Variants in DCHS2 observed in about 807,000 individuals in gnomAD.
DCHS2 encodes dachsous cadherin-related 2.
In DCHS2, 142 loss-of-function variants were observed where a neutral mutation model predicts 182.4. That is an observed-to-expected ratio of 0.78 (90% CI 0.68 to 0.89). The LOEUF (loss-of-function observed/expected upper bound fraction) is 0.89, where lower values mean the gene tolerates loss of function less well. Ranked by LOEUF, DCHS2 falls within the 40% of genes least tolerant of loss-of-function variation. DCHS2 has a pLI of 0.00. For synonymous variants in DCHS2, 1,740 were observed against 1,663.3 expected (o/e 1.05, Z -1.12); for missense variants, 4,319 against 4,198.6 (o/e 1.03, Z -0.79).
chr4:154,395,241 A>G (rs565337750), intron 1 of DCHS2, among the ~76,000 whole-genome samples: 22 of 152,218 alleles, frequency 1.4e-4, no homozygotes, highest in African/African-American at 5.1e-4. Flanking sequence ...ACATTCATAA[A>G]CCGTTTATTT....
chr4:154,490,455 A>C lies in DCHS2; in HGVS notation c.901T>G (p.Tyr301Asp). 6.5e-7 allele frequency: 1 copy of C among 1,536,470 alleles called. No homozygotes were observed. Among genetic ancestry groups the C allele is most frequent in the Non-Finnish European group, 8.7e-7 (1 of 1,146,370 alleles). ...GCGTCCTCGCGCACCGCGGCGCGGT[A>C]CTCGTCCTGCTCAAAGACCGGCGGG... ...DNPPVFEQDE[Y>D]RAAVREDAQP... The change falls in exon 1 of 20, where the codon TAC (tyrosine) becomes GAC (aspartate). Residue 301 changes from tyrosine (Y) to aspartate (D), a missense_variant. Coordinates refer to ENST00000357232, the MANE Select transcript of DCHS2 (RefSeq NM_001358235.2).
chr4:154,379,685 T>C (rs577117103), intron 1 of DCHS2, among the ~76,000 whole-genome samples: 3 of 152,326 alleles, frequency 2.0e-5, no homozygotes, highest in African/African-American at 7.2e-5. Flanking sequence ...CATTTAACTC[T>C]GGACTGAAAA....
At chr4:154,254,972 T>C (rs1732578642) in intron 16 of DCHS2, among the ~76,000 whole-genome samples, 1 of 152,238 alleles carries the variant, frequency 6.6e-6, no homozygotes, top group Admixed American at 6.5e-5. Flanking sequence ...ATTTCCTTTG[T>C]TGAATTCTGT....
intron 5 of DCHS2, chr4:154,331,742 C>T (rs1269026485): frequency 6.3e-7 from 1 of 1,595,522 alleles, no homozygotes; most frequent in East Asian, 2.2e-5. Context: ...TTCTTCTCAT[C>T]TTACCAGCTC....
At chr4:154,345,179 C>T (rs1729301776) in intron 3 of DCHS2, among the ~76,000 whole-genome samples, 1 of 152,216 alleles carries the variant, frequency 6.6e-6, no homozygotes, top group Non-Finnish European at 1.5e-5. Context: ...CTCTGCAGGG[C>T]CTCCTCGCTA....
At chr4:154,353,539 C>T (rs1279575244) in intron 3 of DCHS2, among the ~76,000 whole-genome samples, 8 of 152,170 alleles carry the variant, frequency 5.3e-5, no homozygotes, top group African/African-American at 1.9e-4. Flanking sequence ...AAGTCATCTC[C>T]ACCCTCATTG....
At chr4:154,414,487 CTTTTTTTTTTT>C (rs375818839) in intron 1 of DCHS2, among the ~76,000 whole-genome samples, 1 of 73,760 alleles carries the variant, frequency 1.4e-5, no homozygotes, top group Non-Finnish European at 2.9e-5. Flanking sequence ...ATACAGCTTT[CTTTTTTTTTTT>C]TTTTTTTTTT....
At chr4:154,487,236 T>C (rs998585754) in intron 1 of DCHS2, among the ~76,000 whole-genome samples, 3 of 152,334 alleles carry the variant, frequency 2.0e-5, no homozygotes, top group Middle Eastern at 3.4e-3. Flanking sequence ...TAGAAATCCA[T>C]GGAAGAAACT....
chr4:154,456,829 G>T (rs1290393712), intron 1 of DCHS2, among the ~76,000 whole-genome samples: 2 of 152,046 alleles, frequency 1.3e-5, no homozygotes, highest in African/African-American at 4.8e-5. Flanking sequence ...CTTACATTCT[G>T]GTTAGATGTG....
intron 13 of DCHS2, chr4:154,272,286 G>T (rs1378105581): frequency 2.6e-5 from 4 of 152,020 alleles, no homozygotes; most frequent in Non-Finnish European, 1.5e-5. Flanking sequence ...AAATACCTAC[G>T]GTAAGTATAC....
At chr4:154,431,154 G>A (rs1040349683) in intron 1 of DCHS2, among the ~76,000 whole-genome samples, 1 of 152,122 alleles carries the variant, frequency 6.6e-6, no homozygotes, top group African/African-American at 2.4e-5. Context: ...TCAGTTTAGG[G>A]CAGCATTAGC....
At chr4:154,267,237 C>T (rs77992160) in intron 14 of DCHS2, among the ~76,000 whole-genome samples, 1 of 152,260 alleles carries the variant, frequency 6.6e-6, no homozygotes, top group African/African-American at 2.4e-5. Context: ...AGGTGTGTGA[C>T]CTTGATAACT....
intron 1 of DCHS2, among the ~76,000 whole-genome samples, chr4:154,390,855 A>G (rs1021602310): frequency 1.3e-5 from 2 of 152,226 alleles, no homozygotes; most frequent in Non-Finnish European, 2.9e-5. Flanking sequence ...ATGACCGAAT[A>G]TTTTCATAGT....
At position 154,300,711 on chromosome 4, in the gene DCHS2, T is replaced by TA. The variant is rs199934093; in HGVS notation, c.5606-2004dup. Among the ~76,000 whole-genome samples, 9 of 149,880 alleles carry TA rather than the reference T, an allele frequency of 6.0e-5. No individual in the cohort carries two copies. The East Asian group carries it at 1.6e-3, about 26-fold the overall frequency. On this transcript the variant is annotated intron_variant, in intron 12 of 19. Transcript: ENST00000357232. ...TGGTGACAGATCGAGAGCCTGTCTT[T>TA]AAAAAAAAAGAAAAGAAAATGAAAA...
chr4:154,423,462 C>T (rs1396105385), intron 1 of DCHS2, among the ~76,000 whole-genome samples: 9 of 152,196 alleles, frequency 5.9e-5, no homozygotes. Flanking sequence ...GTAAGTCCTA[C>T]AAAACCAGAA....
intron 10 of DCHS2, among the ~76,000 whole-genome samples, chr4:154,305,467 G>A (rs1735406247): frequency 6.6e-6 from 1 of 152,116 alleles, no homozygotes; most frequent in Non-Finnish European, 1.5e-5. Context: ...CACAGTGAAT[G>A]CTTAGAATTT....
In DCHS2 at chr4:154,377,404, A is replaced by G. The variant is rs759466582; in HGVS notation, c.2093T>C (p.Ile698Thr). ...GAATCCATCATAAAGAGAATATTCA[A>G]TAAAGCCATAGAGTCCTGAATCTGC... The part of the protein sequence containing the change: ...SDADSGLYGF[I>T]EYSLYDGFLS... The change falls in exon 2 of 20, where the codon ATT becomes ACT. Residue 698 changes from isoleucine to threonine, a missense_variant. By Grantham distance (89) the Ile-to-Thr change is moderately conservative (BLOSUM62 -1). Transcript: ENST00000357232. The G allele has an allele frequency of 6.2e-6, 10 of 1,613,368 alleles. No individual in the cohort carries two copies. Among genetic ancestry groups the G allele is most frequent in the African/African-American group, 5.3e-5 (4 of 74,864 alleles).
chr4:154,456,511 G>A (rs1172727762), intron 1 of DCHS2, among the ~76,000 whole-genome samples: 2 of 152,134 alleles, frequency 1.3e-5, no homozygotes, highest in Admixed American at 6.5e-5. Context: ...CAGGAGATGC[G>A]GAAACTAGCT....
In DCHS2 at chr4:154,243,430, C is replaced by G. The variant is rs182130894; in HGVS notation, c.6942-658G>C. ...GCTTGTCCATCAAACAAACTACAAACCTTGTTACTGTCTTCAACTTCTCCC... is the reference window on the plus strand; with the variant it reads ...GCTTGTCCATCAAACAAACTACAAAGCTTGTTACTGTCTTCAACTTCTCCC... On this transcript the variant is annotated intron_variant, in intron 16 of 19. Coordinates refer to ENST00000357232, the MANE Select transcript of DCHS2 (RefSeq NM_001358235.2). Among the ~76,000 whole-genome samples, 396 of 152,286 alleles carry G rather than the reference C, an allele frequency of 2.6e-3. 1 individual carries two copies. Among genetic ancestry groups the G allele is most frequent in the African/African-American group, 9.1e-3 (377 of 41,570 alleles).
Sources: gnomAD v4.1 joint callset for allele counts (sites outside exome capture counted in the v4.1 genomes callset) on GRCh38, gnomAD v4.1.1 for gene constraint, MANE v1.5 for transcripts, NCBI Gene and HGNC (gene_info 2026-07-23, HGNC 2026-07-21) for gene names.